Variants in TNIK observed in about 807,000 individuals in gnomAD.
TNIK encodes TRAF2 and NCK interacting kinase.
TNIK carries 49 observed loss-of-function variants against 191.3 expected under a neutral mutation model. The observed-to-expected ratio is 0.26, with a 90% CI of 0.20 to 0.32. TNIK has a LOEUF of 0.32. Among genes scored for constraint, TNIK ranks in the 10% least tolerant of loss-of-function variants. The pLI, the probability that TNIK is intolerant of heterozygous loss-of-function variation, is 1.00. For synonymous variants in TNIK, 594 were observed against 600.9 expected (o/e 0.99, Z 0.17); for missense variants, 1,155 against 1,702.3 (o/e 0.68, Z 5.66).
chr3:171,400,964 T>G (rs2108574557), intron 1 of TNIK, among the ~76,000 whole-genome samples: 1 of 152,210 alleles, frequency 6.6e-6, no homozygotes, highest in South Asian at 2.1e-4. Flanking sequence ...CTTTAAGGGG[T>G]TTGCCTGGGA....
chr3:171,333,163 AG>A (rs1756578562), intron 2 of TNIK, among the ~76,000 whole-genome samples: 1 of 151,944 alleles, frequency 6.6e-6, no homozygotes, highest in Non-Finnish European at 1.5e-5. Flanking sequence ...TGGGGGTGGG[AG>A]GGAGTGTGTG....
chr3:171,077,796 C>CAT (rs1270350028), intron 28 of TNIK, among the ~76,000 whole-genome samples: 2 of 148,156 alleles, frequency 1.3e-5, no homozygotes, highest in East Asian at 3.9e-4. Flanking sequence ...TGTATATACA[C>CAT]ATATATATAC....
Position 171,139,375 on chromosome 3 carries a change from C to CGT in TNIK, c.1419+94_1419+95insAC, listed in dbSNP as rs1269324823. The CGT allele has an allele frequency of 4.9e-3, 4,731 of 970,546 alleles. 3 individuals carry two copies. Among genetic ancestry groups the CGT allele is most frequent in the Admixed American group, 5.9e-3 (282 of 47,556 alleles). 60.1% of individuals were successfully genotyped at this position (970,546 alleles called of 1,614,324 possible). A position where few individuals can be genotyped will look rare whatever the true frequency, so the allele number is the denominator to read the frequency against. On this transcript the variant is annotated intron_variant, in intron 14 of 32. Coordinates refer to ENST00000436636, the MANE Select transcript of TNIK (RefSeq NM_015028.4). ...GGTATGTTAGAAGGACACACGCACG[C>CGT]GCGCACACACACACACACACACACA...
rs1717752808 is a variant in TNIK, at chr3:171,060,861, GGAT to G, written c.*3017_*3019del. ...GTGGGCAGGCTCAGTAGATTTTACT[GGAT>G]GATTATTAATTTAGAGCAGTAAGAA... On this transcript the variant is annotated 3_prime_UTR_variant, in exon 33 of 33. Coordinates refer to ENST00000436636, the MANE Select transcript of TNIK (RefSeq NM_015028.4). 1.3e-5 allele frequency among the ~76,000 whole-genome samples: 2 copies of G among 152,078 alleles called. No homozygotes were observed. The highest frequency in any genetic ancestry group is 1.3e-4 in the Admixed American group (2 of 15,266).
chr3:171,146,718 C>T (rs992327353), intron 12 of TNIK, among the ~76,000 whole-genome samples: 7 of 151,932 alleles, frequency 4.6e-5, no homozygotes, highest in East Asian at 1.9e-4. Flanking sequence ...GGTGAAAACC[C>T]GTCTCTACTA....
At chr3:171,157,296 TTTTG>T (rs1259258830) in intron 12 of TNIK, among the ~76,000 whole-genome samples, 160 bp downstream of exon 12, 3 of 152,194 alleles carry the variant, frequency 2.0e-5, no homozygotes. Flanking sequence ...AAGGGAAGCC[TTTTG>T]TTTGTAAGAG....
intron 23 of TNIK, among the ~76,000 whole-genome samples, chr3:171,087,976 G>A (rs1270135913): frequency 1.3e-5 from 2 of 152,196 alleles, no homozygotes; most frequent in Admixed American, 1.3e-4. Context: ...CCAAGAAAGG[G>A]CAGAGACCAT....
chr3:171,211,742 C>G (rs774521449), intron 3 of TNIK, among the ~76,000 whole-genome samples: 2 of 152,062 alleles, frequency 1.3e-5, no homozygotes, highest in South Asian at 4.2e-4. Flanking sequence ...GGAAAAGGAG[C>G]AAAGGTAAGT....
At chr3:171,214,483 T>C (rs1213265448) in intron 3 of TNIK, among the ~76,000 whole-genome samples, 1 of 152,218 alleles carries the variant, frequency 6.6e-6, no homozygotes, top group African/African-American at 2.4e-5. Context: ...AGACAATTTA[T>C]CATAAAGGAT....
intron 1 of TNIK, among the ~76,000 whole-genome samples, chr3:171,397,600 C>A (rs192227305): frequency 1.2e-3 from 183 of 152,238 alleles, no homozygotes; most frequent in African/African-American, 4.4e-3. Flanking sequence ...AAATAAAACA[C>A]CTCTTTGTAT....
chr3:171,098,468 C>T (rs16855807), intron 22 of TNIK, among the ~76,000 whole-genome samples: 6,714 of 152,168 alleles, frequency 0.044, 505 homozygotes, highest in African/African-American at 0.15. Context: ...AATACTGCAA[C>T]TGGTTAGTTG....
chr3:171,381,432 T>A (rs942977405), intron 1 of TNIK, among the ~76,000 whole-genome samples: 13 of 152,194 alleles, frequency 8.5e-5, no homozygotes, highest in African/African-American at 3.1e-4. Context: ...CACAGAACAC[T>A]CCTTAAGGAA....
intron 13 of TNIK, 77 bp downstream of exon 13, chr3:171,140,322 G>A: frequency 1.7e-6 from 2 of 1,210,404 alleles, no homozygotes; most frequent in South Asian, 3.0e-5. Flanking sequence ...CCTCAGAAAA[G>A]GTGACCCACA....
At position 171,460,218 on chromosome 3, in the gene TNIK, G is replaced by T. The variant is rs1214986794; in HGVS notation, c.-155C>A. On this transcript the variant is annotated 5_prime_UTR_variant, in exon 1 of 33. Coordinates refer to ENST00000436636, the MANE Select transcript of TNIK (RefSeq NM_015028.4). The surrounding 1 kb of genome is among the most constrained non-coding windows in gnomAD (Gnocchi z 6.8). ...CGCCCACCCCAGCCCCACAGCGCCG[G>T]ATCCCGATCCTCCGCGCGTCGGTCC... 1.1e-5 allele frequency: 10 copies of T among 915,172 alleles called. No homozygotes were observed. The African/African-American group carries it at 1.2e-4, about 11-fold the overall frequency. 56.7% of individuals were successfully genotyped at this position (915,172 alleles called of 1,614,324 possible).
intron 2 of TNIK, among the ~76,000 whole-genome samples, chr3:171,335,987 G>C (rs1050609699): frequency 6.6e-6 from 1 of 151,920 alleles, no homozygotes; most frequent in Non-Finnish European, 1.5e-5. Context: ...AGTGTATCTC[G>C]TTGCAATTTT....
At chr3:171,239,154 G>A (rs914506159) in intron 2 of TNIK, among the ~76,000 whole-genome samples, 6 of 152,024 alleles carry the variant, frequency 3.9e-5, no homozygotes, top group African/African-American at 9.7e-5. Context: ...TTCATACTAC[G>A]TGTTCTTTCC....
At chr3:171,410,824 TAGAG>T (rs1414307399) in intron 1 of TNIK, among the ~76,000 whole-genome samples, 3 of 147,380 alleles carry the variant, frequency 2.0e-5, no homozygotes, top group Admixed American at 2.0e-4. Flanking sequence ...GGAAAATTGG[TAGAG>T]ACTCATTTCT....
chr3:171,119,185 GA>G (rs1727263491), intron 18 of TNIK, among the ~76,000 whole-genome samples: 2 of 152,192 alleles, frequency 1.3e-5, no homozygotes, highest in Admixed American at 1.3e-4. Flanking sequence ...AAAGACACAT[GA>G]AAAAATGCAT....
chr3:171,120,274 A>T (rs1406603500), intron 18 of TNIK, among the ~76,000 whole-genome samples: 1 of 150,960 alleles, frequency 6.6e-6, no homozygotes, highest in African/African-American at 2.4e-5. Flanking sequence ...GCAAAAACTG[A>T]CCGTTTTTGC....
Sources: allele counts gnomAD v4.1 joint callset (sites outside exome capture counted in the v4.1 genomes callset), GRCh38; gene constraint gnomAD v4.1.1; non-coding constraint Gnocchi (gnomAD v3.1); transcripts MANE v1.5; gene names NCBI Gene and HGNC (gene_info 2026-07-23, HGNC 2026-07-21).